Variants in SCO1 observed in about 807,000 individuals in gnomAD.
The protein encoded by SCO1 is cytochrome c oxidase assembly factor SCO1.
Under a neutral mutation model 34.0 loss-of-function variants are expected in SCO1, and 23 were observed. The observed-to-expected ratio is 0.68, with a 90% CI of 0.49 to 0.96. SCO1 has a LOEUF of 0.96. Among genes scored for constraint, SCO1 ranks in the 40% least tolerant of loss-of-function variants. SCO1 has a pLI of 0.00. For missense variants in SCO1, 404 were observed against 381.6 expected (o/e 1.06, Z -0.49); for synonymous variants, 161 against 145.5 (o/e 1.11, Z -0.77).
In SCO1 at chr17:10,673,955, G is replaced by A. The variant is rs929093557; in HGVS notation, c.*7164C>T. 1 of 152,192 alleles carries A rather than the reference G, an allele frequency of 6.6e-6. No individual in the cohort carries two copies. The highest frequency in any genetic ancestry group is 1.5e-5 in the Non-Finnish European group (1 of 68,038). 9.4% of individuals were successfully genotyped at this position (152,192 alleles called of 1,614,324 possible). The stretch of plus-strand genomic sequence containing the variant: ...AGACTCTTCAAATTGTGTTTCATGG[G>A]AGCGAAATTAAATAAAGAGCTTCCT... On this transcript the variant is annotated 3_prime_UTR_variant, in exon 6 of 6. Transcript: ENST00000255390.
intron 5 of SCO1, among the ~76,000 whole-genome samples, chr17:10,686,134 C>T (rs1233747370): frequency 6.6e-6 from 1 of 152,064 alleles, no homozygotes; most frequent in Middle Eastern, 3.2e-3. Context: ...CCCAGCTACG[C>T]GAGAGGCTGA....
Position 10,679,185 on chromosome 17 carries a change from TG to T in SCO1, c.*1933del, listed in dbSNP as rs1268784558. On this transcript the variant is annotated 3_prime_UTR_variant, in exon 6 of 6. Transcript: ENST00000255390. Reference sequence around the variant, plus strand: ...CTGGTCTCGAACTCCTGACCTTAGGTGATCTGCACGCCTCGGCCTCCCAAAG... The same window carrying T: ...CTGGTCTCGAACTCCTGACCTTAGGTATCTGCACGCCTCGGCCTCCCAAAG... 1 of 152,250 alleles carries T rather than the reference TG, an allele frequency of 6.6e-6. No individual in the cohort carries two copies. Among genetic ancestry groups the T allele is most frequent in the African/African-American group, 2.4e-5 (1 of 41,446 alleles). The allele number at this position is 152,250 out of a possible 1,614,324, so 9.4% of individuals were successfully genotyped here. A position where few individuals can be genotyped will look rare whatever the true frequency, so the allele number is the denominator to read the frequency against.
chr17:10,691,725 C>G (rs1332778866), intron 4 of SCO1, 147 bp downstream of exon 4: 2 of 652,502 alleles, frequency 3.1e-6, no homozygotes, highest in South Asian at 3.3e-5. Context: ...CTATCCATAA[C>G]AATTCCTAGC....
chr17:10,681,277 GT>G, intron 5 of SCO1, 24 bp from the exon 6 acceptor site: 4 of 1,613,124 alleles, frequency 2.5e-6, no homozygotes, highest in Non-Finnish European at 3.4e-6. Flanking sequence ...GGGGGAGAGT[GT>G]GACAAAGATT....
chr17:10,693,120 G>GA (rs1406720666), intron 2 of SCO1, among the ~76,000 whole-genome samples, 159 bp from the exon 3 acceptor site: 1 of 152,130 alleles, frequency 6.6e-6, no homozygotes, highest in African/African-American at 2.4e-5. Context: ...AATCTTTTCA[G>GA]AAAAATAAGC....
chr17:10,681,251 C>T lies in SCO1; in HGVS notation c.774G>A (p.Val258=), dbSNP rs1477295700. 1 of 1,613,970 alleles carries T rather than the reference C, an allele frequency of 6.2e-7. No homozygotes were observed. Among genetic ancestry groups the T allele is most frequent in the Admixed American group, 1.7e-5 (1 of 60,018 alleles). The change falls in exon 6 of 6, where the codon GTG becomes GTA. Residue 258 remains valine (V), a splice_region_variant and synonymous_variant. Transcript: ENST00000255390. ...GPKDEDEDYI[V]DHTIIMYLIG... Reference sequence around the variant, plus strand: ...TCAAGTACATTATTATTGTGTGATCCACCTGCAGAGAAAAGGGGGGAGAGT... The same window carrying T: ...TCAAGTACATTATTATTGTGTGATCTACCTGCAGAGAAAAGGGGGGAGAGT...
Position 10,680,950 on chromosome 17 carries a change from T to G in SCO1, c.*169A>C. ...AATCTTTACAGTTCCAAGAATCAAT[T>G]TTGGTTGAACGCAAGGGTAACATCC... On this transcript the variant is annotated 3_prime_UTR_variant, in exon 6 of 6. Coordinates refer to ENST00000255390, the MANE Select transcript of SCO1 (RefSeq NM_004589.4). 1 of 771,226 alleles carries G rather than the reference T, an allele frequency of 1.3e-6. No individual in the cohort carries two copies. Among genetic ancestry groups the G allele is most frequent in the Non-Finnish European group, 2.2e-6 (1 of 458,080 alleles). The allele number at this position is 771,226 out of a possible 1,614,324, so 47.8% of individuals were successfully genotyped here.
At position 10,678,461 on chromosome 17, in the gene SCO1, T is replaced by C. The variant is rs1006269487; in HGVS notation, c.*2658A>G. ...TTCTCCAAAAGCTGCTGTTCCCTTT[T>C]TGGATCATTTCACAAGCCTTAACCT... On this transcript the variant is annotated 3_prime_UTR_variant, in exon 6 of 6. Transcript: ENST00000255390. The C allele has an allele frequency of 1.3e-5, 2 of 152,218 alleles. No individual in the cohort carries two copies. The highest frequency in any genetic ancestry group is 6.5e-5 in the Admixed American group (1 of 15,280). The allele number at this position is 152,218 out of a possible 1,614,324, so 9.4% of individuals were successfully genotyped here.
Position 10,697,417 on chromosome 17 carries a change from C to G in SCO1, c.91G>C (p.Gly31Arg), listed in dbSNP as rs765585553. The G allele has an allele frequency of 6.2e-7, 1 of 1,610,450 alleles. No homozygotes were observed. Among genetic ancestry groups the G allele is most frequent in the South Asian group, 1.1e-5 (1 of 90,492 alleles). ...RFLPRGLEFWGPAEGTARVLL... is the reference protein window; with the variant it reads ...RFLPRGLEFWRPAEGTARVLL... ...ACTCTCGCAGTCCCCTCGGCTGGGC[C>G]CCAAAACTCGAGTCCGCGAGGCAAG... Residue 31 changes from glycine to arginine, a missense_variant, in exon 1 of 6, where the codon GGC (glycine) becomes CGC (arginine). Gly to Arg is a moderately radical substitution (Grantham distance 125). Coordinates refer to ENST00000255390, the MANE Select transcript of SCO1 (RefSeq NM_004589.4).
At chr17:10,691,021 C>T (rs1199951283) in intron 4 of SCO1, among the ~76,000 whole-genome samples, 1 of 152,192 alleles carries the variant, frequency 6.6e-6, no homozygotes, top group Non-Finnish European at 1.5e-5. Context: ...ATTGTGGATA[C>T]TAGAGGCTGG....
rs61753148 is a variant in SCO1, at chr17:10,697,492, G to A, written c.16C>T (p.Leu6=). 183 of 1,613,460 alleles carry A rather than the reference G, an allele frequency of 1.1e-4. No individual in the cohort carries two copies. Among genetic ancestry groups the A allele is most frequent in the Admixed American group, 3.0e-4 (18 of 60,004 alleles). The part of the protein sequence containing the change: MAMLV[L]VPGRVMRPLG... ...GGCCGCATAACTCGTCCGGGTACTA[G>A]GACCAGCATCGCCATGAGCCTCGGA... Residue 6 remains leucine, a synonymous_variant, in exon 1 of 6, where the codon CTA becomes TTA. Transcript: ENST00000255390.
At chr17:10,685,204 G>C (rs1597506776) in intron 5 of SCO1, among the ~76,000 whole-genome samples, 1 of 152,218 alleles carries the variant, frequency 6.6e-6, no homozygotes, top group East Asian at 1.9e-4. Flanking sequence ...ATGGGGAGCT[G>C]CTGGATCAGT....
chr17:10,686,568 TGA>T (rs1241548882), intron 5 of SCO1, among the ~76,000 whole-genome samples, 157 bp downstream of exon 5: 2 of 135,162 alleles, frequency 1.5e-5, no homozygotes, highest in Non-Finnish European at 3.1e-5. Context: ...GATGACAGAA[TGA>T]GACTCCATCT....
Position 10,677,801 on chromosome 17 carries a change from T to C in SCO1, c.*3318A>G, listed in dbSNP as rs1356699042. On this transcript the variant is annotated 3_prime_UTR_variant, in exon 6 of 6. Transcript: ENST00000255390. ...CACTGTAACCCACCCAGGTAAAGAT[T>C]TGCAAGGGATATTTCACTGAAACAC... 6.6e-6 allele frequency: 1 copy of C among 152,186 alleles called. No individual in the cohort carries two copies. The highest frequency in any genetic ancestry group is 2.1e-4 in the South Asian group (1 of 4,834). 9.4% of individuals were successfully genotyped at this position (152,186 alleles called of 1,614,324 possible).
chr17:10,695,661 G>A (rs953701781), intron 2 of SCO1, 80 bp downstream of exon 2: 8 of 1,072,812 alleles, frequency 7.5e-6, no homozygotes, highest in Non-Finnish European at 1.1e-5. Context: ...AAAACAAAAA[G>A]CTAAAAAACA....
intron 5 of SCO1, among the ~76,000 whole-genome samples, chr17:10,686,014 C>A (rs1433188383): frequency 6.6e-6 from 1 of 151,872 alleles, no homozygotes; most frequent in Admixed American, 6.5e-5. Flanking sequence ...GGGCAGACCA[C>A]CTGAGGTCAG....
In SCO1 at chr17:10,681,039, T is replaced by C. The variant is rs1338702106; in HGVS notation, c.*80A>G. The C allele has an allele frequency of 3.7e-5, 56 of 1,509,976 alleles. No individual in the cohort carries two copies. The highest frequency in any genetic ancestry group is 1.7e-5 in the Admixed American group (1 of 59,846). 93.5% of individuals were successfully genotyped at this position (1,509,976 alleles called of 1,614,324 possible). ...TTCTGTAGAGTGCACGTATATATGTTTATATTTATATAGGCTCCTATGCGA... is the reference window on the plus strand; with the variant it reads ...TTCTGTAGAGTGCACGTATATATGTCTATATTTATATAGGCTCCTATGCGA... On this transcript the variant is annotated 3_prime_UTR_variant, in exon 6 of 6. Coordinates refer to ENST00000255390, the MANE Select transcript of SCO1 (RefSeq NM_004589.4).
intron 1 of SCO1, among the ~76,000 whole-genome samples, chr17:10,696,794 A>G (rs2074731227): frequency 6.7e-6 from 1 of 149,156 alleles, no homozygotes; most frequent in South Asian, 2.1e-4. Context: ...ACCCCAAGAA[A>G]AAGGCAGATC....
intron 2 of SCO1, 162 bp downstream of exon 2, chr17:10,695,579 G>C: frequency 1.7e-6 from 1 of 583,310 alleles, no homozygotes; most frequent in Non-Finnish European, 3.1e-6. Flanking sequence ...GTTAATATTA[G>C]GGGAAGCTGG....
Sources: allele counts gnomAD v4.1 joint callset (sites outside exome capture counted in the v4.1 genomes callset), GRCh38; gene constraint gnomAD v4.1.1; transcripts MANE v1.5; gene names NCBI Gene and HGNC (gene_info 2026-07-23, HGNC 2026-07-21).